The following SLC35F1 variants were observed in gnomAD, a reference collection of about 807,000 sequenced individuals.
SLC35F1 encodes solute carrier family 35 member F1.
Under a neutral mutation model 48.7 loss-of-function variants are expected in SLC35F1, and 14 were observed. That is an observed-to-expected ratio of 0.29 (90% CI 0.19 to 0.45). SLC35F1 has a LOEUF of 0.45. Among genes scored for constraint, SLC35F1 ranks in the 20% least tolerant of loss-of-function variants. The pLI is 1.00. For missense variants in SLC35F1, 404 were observed against 500.0 expected (o/e 0.81, Z 1.83); for synonymous variants, 190 against 202.2 (o/e 0.94, Z 0.51).
intron 1 of SLC35F1, among the ~76,000 whole-genome samples, chr6:117,928,386 C>T (rs1776055635): frequency 1.3e-5 from 2 of 152,100 alleles, no homozygotes; most frequent in Admixed American, 6.6e-5. Flanking sequence ...TATAATTTTA[C>T]ACATCAATAC....
At chr6:118,049,854 C>G (rs2114908964) in intron 1 of SLC35F1, among the ~76,000 whole-genome samples, 1 of 151,944 alleles carries the variant, frequency 6.6e-6, no homozygotes, top group Admixed American at 6.6e-5. Flanking sequence ...ACCCAGCCAT[C>G]CCATTACTGG....
chr6:117,921,068 A>T (rs1038897406), intron 1 of SLC35F1, among the ~76,000 whole-genome samples: 2 of 94,174 alleles, frequency 2.1e-5, no homozygotes, highest in African/African-American at 1.0e-4. Context: ...ACACACACAC[A>T]CACACACACA....
chr6:118,061,652 G>C (rs1457573204), intron 1 of SLC35F1, among the ~76,000 whole-genome samples: 1 of 150,464 alleles, frequency 6.6e-6, no homozygotes, highest in East Asian at 1.9e-4. Context: ...CATATGACTT[G>C]GGACTTCTCG....
intron 1 of SLC35F1, among the ~76,000 whole-genome samples, chr6:118,075,537 A>T (rs1282926929): frequency 6.6e-6 from 1 of 152,250 alleles, no homozygotes; most frequent in African/African-American, 2.4e-5. Flanking sequence ...AATTAGATAC[A>T]CAAACAGCAG....
intron 1 of SLC35F1, among the ~76,000 whole-genome samples, chr6:118,083,186 A>C (rs1173643031): frequency 6.6e-6 from 1 of 152,176 alleles, no homozygotes; most frequent in Non-Finnish European, 1.5e-5. Flanking sequence ...GTGTGTTTCT[A>C]ATGGCCCATT....
At chr6:117,999,036 T>C in intron 1 of SLC35F1, 3 of 1,464,032 alleles carry the variant, frequency 2.0e-6, no homozygotes, top group Non-Finnish European at 2.8e-6. Context: ...AGAAATGGTA[T>C]CAAGAAACCC....
At chr6:117,963,799 A>T (rs568484341) in intron 1 of SLC35F1, among the ~76,000 whole-genome samples, 38 of 152,088 alleles carry the variant, frequency 2.5e-4, no homozygotes, top group East Asian at 9.7e-4. Flanking sequence ...TATTTTTTTT[A>T]AATTAAATTA....
rs571653145 is a variant in SLC35F1, at chr6:118,173,385, T to TAAAA, written c.349+18772_349+18775dup. 6.2e-3 allele frequency among the ~76,000 whole-genome samples: 806 copies of TAAAA among 128,992 alleles called. 16 individuals carry two copies. The highest frequency in any genetic ancestry group is 0.025 in the African/African-American group (752 of 29,712). 84.6% of individuals were successfully genotyped at this position (128,992 alleles called of 152,430 possible). A position where few individuals can be genotyped will look rare whatever the true frequency, so the allele number is the denominator to read the frequency against. The stretch of plus-strand genomic sequence containing the variant: ...AGAATCCATCATAGAAAGAGTTAGT[T>TAAAA]AAAAAAAAAACAAAAAACAAAAAAA... On this transcript the variant is annotated intron_variant, in intron 2 of 7. Coordinates refer to ENST00000360388, the MANE Select transcript of SLC35F1 (RefSeq NM_001029858.4).
rs117716339 is a variant in SLC35F1 at position 118,227,188 on chromosome 6, A to G, written c.350-8321A>G. Among the ~76,000 whole-genome samples the G allele has an allele frequency of 4.0e-3, 603 of 152,284 alleles. 4 individuals are homozygous for G. The highest frequency in any genetic ancestry group is 5.1e-3 in the Non-Finnish European group (349 of 68,014). ...GAAGGCTGCTTTCTGGAGCCTGGAA[A>G]CATGGCAGCCCTGAGGGAGAGGCCC... On this transcript the variant is annotated intron_variant, in intron 2 of 7. Coordinates refer to ENST00000360388, the MANE Select transcript of SLC35F1 (RefSeq NM_001029858.4).
chr6:117,995,004 A>G (rs59490938), intron 1 of SLC35F1, among the ~76,000 whole-genome samples: 2,236 of 152,328 alleles, frequency 0.015, 61 homozygotes, highest in African/African-American at 0.05. Flanking sequence ...CTTGAATTAC[A>G]ATACATGTTG....
At chr6:118,214,567 G>A (rs1295884949) in intron 2 of SLC35F1, among the ~76,000 whole-genome samples, 1 of 152,160 alleles carries the variant, frequency 6.6e-6, no homozygotes, top group Non-Finnish European at 1.5e-5. Context: ...AGGTATACCA[G>A]TATAAGACAG....
chr6:117,912,408 A>G (rs1264123239), intron 1 of SLC35F1, among the ~76,000 whole-genome samples: 1 of 152,244 alleles, frequency 6.6e-6, no homozygotes, highest in Non-Finnish European at 1.5e-5. Context: ...GAGTCATTAA[A>G]TAAGGTGGAC....
intron 1 of SLC35F1, among the ~76,000 whole-genome samples, chr6:118,018,975 T>C (rs1777357665): frequency 6.6e-6 from 1 of 152,124 alleles, no homozygotes; most frequent in Admixed American, 6.5e-5. Flanking sequence ...TGAAAATCAT[T>C]TGAAATAATT....
At chr6:117,940,034 C>A (rs1359593625) in intron 1 of SLC35F1, among the ~76,000 whole-genome samples, 1 of 152,164 alleles carries the variant, frequency 6.6e-6, no homozygotes, top group Non-Finnish European at 1.5e-5. Context: ...CTTTACCTTG[C>A]TGATTAGAGA....
chr6:118,127,297 A>G (rs1773641677), intron 1 of SLC35F1, among the ~76,000 whole-genome samples: 1 of 152,172 alleles, frequency 6.6e-6, no homozygotes. Flanking sequence ...TGATGTGTGT[A>G]TATTGAAACA....
chr6:118,220,893 G>A (rs1470890173), intron 2 of SLC35F1, among the ~76,000 whole-genome samples: 1 of 152,200 alleles, frequency 6.6e-6, no homozygotes, highest in East Asian at 1.9e-4. Context: ...GCCTCTGTAT[G>A]TGGTTAAGGA....
chr6:118,301,882 G>C (rs1270365353), intron 7 of SLC35F1, among the ~76,000 whole-genome samples: 1 of 152,170 alleles, frequency 6.6e-6, no homozygotes, highest in Non-Finnish European at 1.5e-5. Flanking sequence ...AACTGTCCTT[G>C]CAAGCTTTTC....
intron 1 of SLC35F1, among the ~76,000 whole-genome samples, chr6:118,106,709 G>T (rs1000337944): frequency 2.0e-5 from 3 of 152,264 alleles, no homozygotes; most frequent in Admixed American, 1.3e-4. Flanking sequence ...CATTTCTATT[G>T]TGATTAGAAT....
intron 2 of SLC35F1, among the ~76,000 whole-genome samples, chr6:118,212,764 A>AAGGG (rs1201661260): frequency 7.6e-6 from 1 of 131,514 alleles, no homozygotes; most frequent in Admixed American, 7.3e-5. Context: ...GGAAGGAAGG[A>AAGGG]AGGAAGGAAG....
Sources: gnomAD v4.1 joint callset for allele counts (sites outside exome capture counted in the v4.1 genomes callset) on GRCh38, gnomAD v4.1.1 for gene constraint, MANE v1.5 for transcripts, NCBI Gene and HGNC (gene_info 2026-07-23, HGNC 2026-07-21) for gene names.